CTNNA2: variants seen among roughly 807,000 people sequenced by gnomAD.
CTNNA2 encodes catenin alpha 2.
Under a neutral mutation model 101.0 loss-of-function variants are expected in CTNNA2, and 42 were observed. The observed-to-expected ratio is 0.42, with a 90% CI of 0.32 to 0.54. CTNNA2 has a LOEUF of 0.54. CTNNA2 is among the 20% of genes least tolerant of loss of function. The pLI is 0.14. For synonymous variants in CTNNA2, 450 were observed against 456.4 expected, an observed-to-expected ratio of 0.99 and a Z score of 0.18; for missense variants, 871 against 1,223.1, an observed-to-expected ratio of 0.71 and a Z score of 4.29.
At chr2:79,911,437 A>G (rs75620740) in intron 7 of CTNNA2, among the ~76,000 whole-genome samples, 2,323 of 152,358 alleles carry the variant, frequency 0.015, 171 homozygotes, top group Admixed American at 0.12. Flanking sequence ...TCTTCTAAAT[A>G]GAAATCACAG....
chr2:79,348,701 G>A (rs1432915975), intron 3 of CTNNA2, among the ~76,000 whole-genome samples: 1 of 152,162 alleles, frequency 6.6e-6, no homozygotes, highest in Non-Finnish European at 1.5e-5. Flanking sequence ...ATCTATTGAG[G>A]TAATCAAGGC....
intron 7 of CTNNA2, among the ~76,000 whole-genome samples, chr2:79,951,738 T>C (rs984420424): frequency 6.6e-6 from 1 of 152,026 alleles, no homozygotes; most frequent in Non-Finnish European, 1.5e-5. Context: ...GCATCTTTGT[T>C]TCTAGGTTTC....
intron 9 of CTNNA2, among the ~76,000 whole-genome samples, chr2:80,472,767 T>G (rs1047281035): frequency 6.6e-6 from 1 of 152,024 alleles, no homozygotes; most frequent in Admixed American, 6.6e-5. Flanking sequence ...CAAGACAGAA[T>G]TAAACAAGGC....
rs572388640 is a variant in CTNNA2 at position 80,644,474 on chromosome 2, ATATCT to A, written c.2575-3109_2575-3105del. Reference sequence around the variant, plus strand: ...ACTGTTGCCATGCAGCTTTATTCTAATATCTTTTCTTTAGGAAGTGAAGTTTTAGC... The same window carrying A: ...ACTGTTGCCATGCAGCTTTATTCTAATTTCTTTAGGAAGTGAAGTTTTAGC... On this transcript the variant is annotated intron_variant, in intron 18 of 18. Transcript: ENST00000402739. Among the ~76,000 whole-genome samples the A allele has an allele frequency of 3.9e-5, 6 of 152,272 alleles. No homozygotes were observed. In the East Asian group the frequency reaches 5.8e-4, roughly 15 times the overall value.
chr2:80,131,492 T>G (rs1558837009), intron 7 of CTNNA2, among the ~76,000 whole-genome samples: 1 of 152,196 alleles, frequency 6.6e-6, no homozygotes, highest in Non-Finnish European at 1.5e-5. Context: ...GGTATAAAAT[T>G]CTATCTATTT....
intron 2 of CTNNA2, among the ~76,000 whole-genome samples, chr2:79,291,775 A>C (rs1208739027): frequency 1.3e-5 from 2 of 152,222 alleles, no homozygotes; most frequent in Admixed American, 1.3e-4. Flanking sequence ...CTTGGACACT[A>C]GGGAGGATCT....
Position 80,326,521 on chromosome 2 carries a change from G to T in CTNNA2, c.1057-66690G>T, listed in dbSNP as rs1016677623. Among the ~76,000 whole-genome samples, 15 of 152,202 alleles carry T rather than the reference G, an allele frequency of 9.9e-5. 1 individual carries two copies. Among genetic ancestry groups the T allele is most frequent in the Admixed American group, 9.2e-4 (14 of 15,288 alleles). On this transcript the variant is annotated intron_variant, in intron 7 of 18. Transcript: ENST00000402739. ...AGTTCATCTTTATGTACTGCTCAGG[G>T]TGATATGGGTAAGTGGATCCATCCC...
At position 79,527,297 on chromosome 2, in the gene CTNNA2, C is replaced by T. The variant is rs187812714; in HGVS notation, c.-6+14090C>T. 1.8e-4 allele frequency among the ~76,000 whole-genome samples: 28 copies of T among 151,720 alleles called. No homozygotes were observed. In the East Asian group the frequency reaches 3.9e-3, roughly 21 times the overall value. Reference sequence around the variant, plus strand: ...TCATCAAGTGAATGCACATCAAAACCGCAATGAAATACGAGATCACACCTG... The same window carrying T: ...TCATCAAGTGAATGCACATCAAAACTGCAATGAAATACGAGATCACACCTG... On this transcript the variant is annotated intron_variant, in intron 1 of 18. Transcript: ENST00000402739.
At chr2:80,584,438 G>T (rs1273201034) in intron 14 of CTNNA2, among the ~76,000 whole-genome samples, 1 of 148,682 alleles carries the variant, frequency 6.7e-6, no homozygotes, top group African/African-American at 2.5e-5. Flanking sequence ...AGGGGGCGGG[G>T]GGCGGTTTAG....
At chr2:80,603,651 G>A (rs1196044948) in intron 15 of CTNNA2, 2 of 155,510 alleles carry the variant, frequency 1.3e-5, no homozygotes, top group African/African-American at 4.8e-5. Flanking sequence ...GTATAAGCTT[G>A]GATAAGTTAC....
Position 80,647,888 on chromosome 2 carries a change from C to G in CTNNA2, c.*16C>G, listed in dbSNP as rs377284441. ...TTCCTTCTAGGACGATAGGTTTTAA[C>G]AAGAAAGCTTTTTCTTTCTTTTCTT... On this transcript the variant is annotated 3_prime_UTR_variant, in exon 19 of 19. Coordinates refer to ENST00000402739, the MANE Select transcript of CTNNA2 (RefSeq NM_001282597.3). 1 of 1,545,210 alleles carries G rather than the reference C, an allele frequency of 6.5e-7. No homozygotes were observed. Among genetic ancestry groups the G allele is most frequent in the African/African-American group, 1.4e-5 (1 of 71,920 alleles).
intron 2 of CTNNA2, among the ~76,000 whole-genome samples, chr2:79,274,471 TCTA>T (rs913547795): frequency 4.6e-5 from 7 of 152,072 alleles, no homozygotes; most frequent in Admixed American, 3.9e-4. Flanking sequence ...CAGGAATTCT[TCTA>T]CTATAAAAAG....
At chr2:79,789,142 AG>A (rs967285373) in intron 3 of CTNNA2, among the ~76,000 whole-genome samples, 1 of 152,198 alleles carries the variant, frequency 6.6e-6, no homozygotes, top group African/African-American at 2.4e-5. Flanking sequence ...AACAGAGAAA[AG>A]GGTAACAGCT....
chr2:79,412,404 A>T (rs1016475503), intron 4 of CTNNA2, among the ~76,000 whole-genome samples: 3 of 152,208 alleles, frequency 2.0e-5, no homozygotes, highest in African/African-American at 7.2e-5. Context: ...CCTAATAGAC[A>T]TCTACAGAAC....
At chr2:79,476,792 G>A (rs1311957207) in intron 4 of CTNNA2, among the ~76,000 whole-genome samples, 1 of 151,992 alleles carries the variant, frequency 6.6e-6, no homozygotes, top group Non-Finnish European at 1.5e-5. Flanking sequence ...TCGGTCTCTC[G>A]GCTACCTTTG....
At chr2:79,653,741 T>C (rs1268133972) in intron 2 of CTNNA2, among the ~76,000 whole-genome samples, 1 of 152,162 alleles carries the variant, frequency 6.6e-6, no homozygotes, top group Non-Finnish European at 1.5e-5. Context: ...ATTCCCTTTA[T>C]TCATCTTTTT....
At chr2:79,353,002 A>G (rs1677426457) in intron 3 of CTNNA2, among the ~76,000 whole-genome samples, 1 of 152,152 alleles carries the variant, frequency 6.6e-6, no homozygotes, top group Non-Finnish European at 1.5e-5. Context: ...AGACCCCTTG[A>G]GAACTCTATC....
intron 7 of CTNNA2, among the ~76,000 whole-genome samples, chr2:80,073,853 A>T (rs1185604896): frequency 1.3e-5 from 2 of 152,094 alleles, no homozygotes; most frequent in Admixed American, 6.5e-5. Flanking sequence ...GTCATTACAG[A>T]TTCTTCTGAA....
At chr2:79,828,835 C>G (rs1678646099) in intron 3 of CTNNA2, among the ~76,000 whole-genome samples, 1 of 152,192 alleles carries the variant, frequency 6.6e-6, no homozygotes, top group Non-Finnish European at 1.5e-5. Context: ...AACAGAAAAT[C>G]TGTGTTTTCA....
Sources: allele counts gnomAD v4.1 joint callset (sites outside exome capture counted in the v4.1 genomes callset), GRCh38; gene constraint gnomAD v4.1.1; transcripts MANE v1.5; gene names NCBI Gene and HGNC (gene_info 2026-07-23, HGNC 2026-07-21).